CYP39A1: variants seen among roughly 807,000 people sequenced by gnomAD.
CYP39A1 encodes 24-hydroxycholesterol 7-alpha-hydroxylase.
CYP39A1 carries 49 observed loss-of-function variants against 58.1 expected under a neutral mutation model. That is an observed-to-expected ratio of 0.84 (90% CI 0.67 to 1.07). CYP39A1 has a LOEUF of 1.07. Among genes scored for constraint, CYP39A1 ranks in the 50% least tolerant of loss-of-function variants. CYP39A1 has a pLI of 0.00. For synonymous variants in CYP39A1, 209 were observed against 187.6 expected (o/e 1.11, Z -0.93); for missense variants, 531 against 539.4 (o/e 0.98, Z 0.16).
At chr6:46,590,643 C>G (rs1772774659) in intron 8 of CYP39A1, among the ~76,000 whole-genome samples, 1 of 152,062 alleles carries the variant, frequency 6.6e-6, no homozygotes, top group Non-Finnish European at 1.5e-5. Context: ...TTCTGAAAAG[C>G]AGAAAAACTA....
intron 10 of CYP39A1, among the ~76,000 whole-genome samples, chr6:46,574,275 T>C (rs897152880): frequency 6.6e-6 from 1 of 152,208 alleles, no homozygotes; most frequent in South Asian, 2.1e-4. Context: ...ATAGAAACCC[T>C]AGTAGTTAAT....
chr6:46,599,687 A>C (rs905797602), intron 7 of CYP39A1, among the ~76,000 whole-genome samples: 1 of 152,160 alleles, frequency 6.6e-6, no homozygotes, highest in Non-Finnish European at 1.5e-5. Context: ...TGGGGGACTC[A>C]AACAAACCCT....
chr6:46,586,989 T>A, intron 10 of CYP39A1, 88 bp downstream of exon 10: 1 of 838,408 alleles, frequency 1.2e-6, no homozygotes, highest in Non-Finnish European at 2.0e-6. Context: ...AATATATATA[T>A]AAAGAGATTA....
At chr6:46,563,748 G>C (rs1738305) in intron 10 of CYP39A1, among the ~76,000 whole-genome samples, 9,045 of 152,204 alleles carry the variant, frequency 0.059, 632 homozygotes, top group African/African-American at 0.16. Context: ...TGTTGAGTGA[G>C]AGCATTCCAG....
intron 7 of CYP39A1, among the ~76,000 whole-genome samples, chr6:46,606,400 G>T (rs1443887371): frequency 1.3e-5 from 2 of 152,072 alleles, no homozygotes; most frequent in African/African-American, 4.8e-5. Flanking sequence ...TAGTGTAAAA[G>T]ACCTTTTTTA....
intron 7 of CYP39A1, among the ~76,000 whole-genome samples, chr6:46,601,796 C>T (rs145655487): frequency 6.6e-5 from 10 of 151,872 alleles, no homozygotes; most frequent in African/African-American, 2.2e-4. Context: ...GTTGGGATTA[C>T]AGGCGTGAGC....
chr6:46,550,470 A>C (rs1770333297), intron 11 of CYP39A1, 33 bp from the exon 12 acceptor site: 1 of 1,575,644 alleles, frequency 6.3e-7, no homozygotes, highest in African/African-American at 1.4e-5. Flanking sequence ...AATAGAAATT[A>C]AGAGACATAA....
intron 6 of CYP39A1, among the ~76,000 whole-genome samples, chr6:46,629,605 G>C (rs1775526950): frequency 6.6e-6 from 1 of 151,990 alleles, no homozygotes; most frequent in Non-Finnish European, 1.5e-5. Flanking sequence ...ACAAGTTAAG[G>C]GAAACTAGAA....
intron 10 of CYP39A1, among the ~76,000 whole-genome samples, chr6:46,578,115 C>A (rs1771936004): frequency 6.6e-6 from 1 of 152,010 alleles, no homozygotes; most frequent in Non-Finnish European, 1.5e-5. Flanking sequence ...GAAATTAATA[C>A]CAAGAACATC....
At chr6:46,595,865 A>G (rs1418320099) in intron 8 of CYP39A1, 122 bp downstream of exon 8, 2 of 975,688 alleles carry the variant, frequency 2.0e-6, no homozygotes, top group Non-Finnish European at 3.1e-6. Flanking sequence ...AGACAAATAT[A>G]TAAAATATTT....
chr6:46,639,586 G>A lies in CYP39A1; in HGVS notation c.396C>T (p.Leu132=). ...CAGTCAGTTGCCCAGTAAACTGATGGAGATTGACAGTCCCCATTTTCCCTT... is the reference window on the plus strand; with the variant it reads ...CAGTCAGTTGCCCAGTAAACTGATGAAGATTGACAGTCCCCATTTTCCCTT... ...MLKGKMGTVN[L]HQFTGQLTEE... Residue 132 remains leucine (L), a synonymous_variant, in exon 3 of 12, where the codon CTC becomes CTT. Coordinates refer to ENST00000275016, the MANE Select transcript of CYP39A1 (RefSeq NM_016593.5). The A allele has an allele frequency of 6.2e-7, 1 of 1,614,018 alleles. No individual in the cohort carries two copies. Among genetic ancestry groups the A allele is most frequent in the Non-Finnish European group, 8.5e-7 (1 of 1,179,958 alleles).
At position 46,587,284 on chromosome 6, in the gene CYP39A1, G is replaced by A. The variant is rs1026213930; in HGVS notation, c.1162-119C>T. 8.4e-6 allele frequency: 6 copies of A among 712,440 alleles called. No individual in the cohort carries two copies. In the African/African-American group the frequency reaches 9.0e-5, roughly 11 times the overall value. The allele number at this position is 712,440 out of a possible 1,614,324, so 44.1% of individuals were successfully genotyped here. A position where few individuals can be genotyped will look rare whatever the true frequency, so the allele number is the denominator to read the frequency against. On this transcript the variant is annotated intron_variant, in intron 9 of 11. Coordinates refer to ENST00000275016, the MANE Select transcript of CYP39A1 (RefSeq NM_016593.5). ...TCCTTGCATATAAAGTTGCAGGGTT[G>A]TTGGTAATTTTTTCCACCCTGTTAT...
intron 9 of CYP39A1, 27 bp downstream of exon 9, chr6:46,588,007 T>C: frequency 7.7e-7 from 1 of 1,292,266 alleles, no homozygotes; most frequent in South Asian, 1.4e-5. Flanking sequence ...AATGAAAGAA[T>C]AATATATACT....
chr6:46,646,031 A>T (rs925896617), intron 1 of CYP39A1, among the ~76,000 whole-genome samples: 5 of 151,882 alleles, frequency 3.3e-5, no homozygotes, highest in African/African-American at 1.2e-4. Flanking sequence ...ACTCCTTGGG[A>T]TTTTCTACAT....
chr6:46,604,063 C>G (rs1773680908), intron 7 of CYP39A1, among the ~76,000 whole-genome samples: 3 of 152,096 alleles, frequency 2.0e-5, no homozygotes, highest in Admixed American at 2.0e-4. Context: ...CTATATTTTA[C>G]AAGGAAAATT....
At chr6:46,594,902 C>T (rs1216871216) in intron 8 of CYP39A1, among the ~76,000 whole-genome samples, 1 of 151,594 alleles carries the variant, frequency 6.6e-6, no homozygotes, top group Non-Finnish European at 1.5e-5. Flanking sequence ...TTTTGCAGGC[C>T]ATACATCTGA....
intron 11 of CYP39A1, among the ~76,000 whole-genome samples, chr6:46,550,664 G>A (rs1331796894): frequency 6.6e-6 from 1 of 152,148 alleles, no homozygotes; most frequent in Non-Finnish European, 1.5e-5. Context: ...AATCTCTTTA[G>A]TTGTACACAC....
chr6:46,592,914 TCACTGCACTCCAG>T (rs911011016), intron 8 of CYP39A1, among the ~76,000 whole-genome samples: 2 of 152,082 alleles, frequency 1.3e-5, no homozygotes, highest in African/African-American at 4.8e-5. Context: ...CAAGATCATG[TCACTGCACTCCAG>T]CATGGGCAAC....
intron 10 of CYP39A1, among the ~76,000 whole-genome samples, chr6:46,569,720 C>T (rs766513586): frequency 6.6e-6 from 1 of 152,064 alleles, no homozygotes; most frequent in Non-Finnish European, 1.5e-5. Context: ...GGGATAAATA[C>T]TACTTGATCA....
Sources: gnomAD v4.1 joint callset for allele counts (sites outside exome capture counted in the v4.1 genomes callset) on GRCh38, gnomAD v4.1.1 for gene constraint, MANE v1.5 for transcripts, NCBI Gene and HGNC (gene_info 2026-07-23, HGNC 2026-07-21) for gene names.